Variants in LOC400499 observed in about 807,000 individuals in gnomAD.
At chr16:11,489,865 C>T in the LOC400499 span, among the ~76,000 whole-genome samples, 2 of 152,204 alleles carry the variant, frequency 1.3e-5, no homozygotes, top group African/African-American at 2.4e-5. Context: ...GGCAACTTAT[C>T]TTCTGGGAAA....
chr16:11,482,039 C>A, the LOC400499 span, among the ~76,000 whole-genome samples: 1 of 152,148 alleles, frequency 6.6e-6, no homozygotes. Context: ...ACAAAAGGAA[C>A]TGGATGTGAC....
the LOC400499 span, chr16:11,391,653 C>T: frequency 1.6e-6 from 2 of 1,232,108 alleles, no homozygotes; most frequent in Non-Finnish European, 2.0e-6. Flanking sequence ...AGCCCTCCCC[C>T]TCCCACACTT....
the LOC400499 span, among the ~76,000 whole-genome samples, chr16:11,518,437 A>T: frequency 4.6e-5 from 7 of 151,592 alleles, no homozygotes; most frequent in African/African-American, 1.7e-4. Flanking sequence ...GTGGGAGAGG[A>T]TGGGGTCTCG....
chr16:11,415,121 G>A, the LOC400499 span, among the ~76,000 whole-genome samples: 22 of 152,280 alleles, frequency 1.4e-4, no homozygotes, highest in East Asian at 1.2e-3. Context: ...TGGCCACTGC[G>A]GCCACTGACA....
the LOC400499 span, among the ~76,000 whole-genome samples, chr16:11,474,181 C>T: frequency 2.0e-5 from 3 of 152,164 alleles, no homozygotes; most frequent in African/African-American, 4.8e-5. Context: ...TTATGCTTTG[C>T]GGTCACACAG....
chr16:11,432,130 GT>G, the LOC400499 span, among the ~76,000 whole-genome samples: 2 of 152,282 alleles, frequency 1.3e-5, no homozygotes, highest in African/African-American at 4.8e-5. Context: ...GGACTTCCCA[GT>G]CCACCCCCGT....
the LOC400499 span, among the ~76,000 whole-genome samples, chr16:11,487,865 C>G: frequency 1.3e-5 from 2 of 152,132 alleles, no homozygotes; most frequent in African/African-American, 2.4e-5. Flanking sequence ...CCTGTAATCT[C>G]AGCTTTGGGA....
At chr16:11,453,168 G>A in the LOC400499 span, among the ~76,000 whole-genome samples, 3 of 152,124 alleles carry the variant, frequency 2.0e-5, no homozygotes, top group Non-Finnish European at 2.9e-5. Context: ...CTCTGTTTCA[G>A]CGGGTCTCTT....
chr16:11,466,021 A>G, the LOC400499 span, among the ~76,000 whole-genome samples: 1 of 152,240 alleles, frequency 6.6e-6, no homozygotes, highest in Non-Finnish European at 1.5e-5. Context: ...TATTTGTAAG[A>G]GCAGAAACCT....
At chr16:11,415,800 G>A in the LOC400499 span, among the ~76,000 whole-genome samples, 940 of 152,140 alleles carry the variant, frequency 6.2e-3, 12 homozygotes, top group African/African-American at 0.022. Flanking sequence ...CGTGGAGGTG[G>A]TCATCCAGAA....
At chr16:11,383,277 C>G in the LOC400499 span, among the ~76,000 whole-genome samples, 3 of 152,124 alleles carry the variant, frequency 2.0e-5, 1 homozygote, top group Admixed American at 6.6e-5. Flanking sequence ...CCGTGTTAGC[C>G]AGGATGGTCT....
chr16:11,515,462 A>AATACATACATACGTACGTAC, the LOC400499 span, among the ~76,000 whole-genome samples: 1 of 151,538 alleles, frequency 6.6e-6, no homozygotes, highest in African/African-American at 2.4e-5. Flanking sequence ...CCTCTAAGGA[A>AATACATACATACGTACGTAC]ATACATACAT....
chr16:11,390,515 C>G, the LOC400499 span: 3 of 1,220,574 alleles, frequency 2.5e-6, no homozygotes, highest in African/African-American at 3.1e-5. Flanking sequence ...GGTCAGAGAA[C>G]CAGCCCTGCC....
chr16:11,507,583 C>T, the LOC400499 span, among the ~76,000 whole-genome samples: 4 of 152,288 alleles, frequency 2.6e-5, no homozygotes, highest in Admixed American at 6.5e-5. Context: ...AATTAGATAA[C>T]GCAAGTGAGG....
At chr16:11,390,545 G>A in the LOC400499 span, 1 of 1,094,188 alleles carries the variant, frequency 9.1e-7, no homozygotes, top group Non-Finnish European at 1.2e-6. Context: ...CAGGCCTCGA[G>A]GAGATAGGGC....
chr16:11,407,657 G>A, the LOC400499 span, among the ~76,000 whole-genome samples: 1 of 152,186 alleles, frequency 6.6e-6, no homozygotes, highest in African/African-American at 2.4e-5. Context: ...ACAGCAGGGG[G>A]CAGTCTAGCA....
chr16:11,466,511 C>T, the LOC400499 span, among the ~76,000 whole-genome samples: 2 of 152,120 alleles, frequency 1.3e-5, no homozygotes, highest in Non-Finnish European at 2.9e-5. Context: ...GCCTCAGCCT[C>T]CCAAGTAGCT....
the LOC400499 span, among the ~76,000 whole-genome samples, chr16:11,505,638 C>T: frequency 1.3e-5 from 2 of 151,382 alleles, no homozygotes; most frequent in Admixed American, 6.6e-5. Context: ...TAGAGATGGG[C>T]TCTCTCCCTG....
chr16:11,457,547 C>A, the LOC400499 span, among the ~76,000 whole-genome samples: 2 of 147,380 alleles, frequency 1.4e-5, no homozygotes, highest in Non-Finnish European at 3.0e-5. Context: ...GAGCCGAGAT[C>A]GCACCACTGC....
Sources: allele counts gnomAD v4.1 joint callset (sites outside exome capture counted in the v4.1 genomes callset), GRCh38; gene constraint gnomAD v4.1.1; transcripts MANE v1.5.